Variants in FAAH2 observed in about 807,000 individuals in gnomAD.
The protein encoded by FAAH2 is fatty-acid amide hydrolase 2.
In FAAH2, 60 loss-of-function variants were observed where a neutral mutation model predicts 36.9. The ratio of observed to expected loss-of-function variants is 1.63; its 90% CI spans 1.32 to 2.02. The LOEUF (loss-of-function observed/expected upper bound fraction) is 2.02, where lower values mean the gene tolerates loss of function less well. FAAH2 is among the 30% of genes most tolerant of loss of function. The pLI is 0.00. For missense variants in FAAH2, 689 were observed against 397.5 expected (o/e 1.73, Z -6.23); for synonymous variants, 214 against 143.8 (o/e 1.49, Z -3.49).
chrX:57,203,618 C>T, the FAAH2 span, among the ~76,000 whole-genome samples: 96 of 111,793 alleles, frequency 8.6e-4, no homozygotes, highest in African/African-American at 3.1e-3. Flanking sequence ...CATATGCAGA[C>T]CACACAAAGA....
At chrX:57,440,604 G>C (rs369393340) in intron 8 of FAAH2, among the ~76,000 whole-genome samples, 75 of 111,281 alleles carry the variant, frequency 6.7e-4, no homozygotes, top group African/African-American at 1.7e-3. Flanking sequence ...TCTTTCCCTT[G>C]TCTGATTTCC....
intron 1 of FAAH2, among the ~76,000 whole-genome samples, chrX:57,291,053 TA>T (rs1261358322): frequency 8.9e-6 from 1 of 112,398 alleles, no homozygotes; most frequent in African/African-American, 3.2e-5. Context: ...GTGACATGAT[TA>T]TTTTTTGTTA....
At chrX:57,385,764 C>T (rs1351412865) in intron 7 of FAAH2, among the ~76,000 whole-genome samples, 1 of 110,961 alleles carries the variant, frequency 9.0e-6, no homozygotes, top group Admixed American at 9.6e-5. Flanking sequence ...AAAAATTAGC[C>T]GGGCGCGGTG....
chrX:57,265,643 G>C, the FAAH2 span, among the ~76,000 whole-genome samples: 1 of 111,820 alleles, frequency 8.9e-6, no homozygotes, highest in Admixed American at 9.4e-5. Flanking sequence ...CCCAACCAAG[G>C]CCTGCAGCCC....
the FAAH2 span, among the ~76,000 whole-genome samples, chrX:57,271,405 C>T: frequency 3.6e-5 from 4 of 112,218 alleles, no homozygotes; most frequent in Middle Eastern, 9.3e-3. Context: ...GCACAGTGTT[C>T]GTGCTTTGCT....
At chrX:57,292,655 A>C in intron 2 of FAAH2, 75 bp downstream of exon 2, 1 of 832,777 alleles carries the variant, frequency 1.2e-6, no homozygotes, top group Non-Finnish European at 1.7e-6. Flanking sequence ...CCACCTTAGC[A>C]TATTTCCTAG....
At chrX:57,479,930 A>G (rs767401568) in intron 10 of FAAH2, among the ~76,000 whole-genome samples, 7 of 111,822 alleles carry the variant, frequency 6.3e-5, no homozygotes, top group African/African-American at 2.3e-4. Flanking sequence ...TAAAGGAGAT[A>G]TCACCACCAA....
chrX:57,386,720 A>T (rs1046544164), intron 7 of FAAH2, among the ~76,000 whole-genome samples: 2 of 111,581 alleles, frequency 1.8e-5, no homozygotes, highest in Non-Finnish European at 3.8e-5. Flanking sequence ...CTGGCCTGAA[A>T]TTCATGTGTA....
intron 9 of FAAH2, 35 bp from the exon 10 acceptor site, chrX:57,448,486 TTTA>T (rs1377316215): frequency 8.8e-7 from 1 of 1,131,557 alleles, no homozygotes; most frequent in Non-Finnish European, 1.2e-6. Context: ...TAAAATGAAG[TTTA>T]TTACCTTAAC....
chrX:57,403,622 G>A (rs764008360), intron 7 of FAAH2, among the ~76,000 whole-genome samples: 2 of 112,883 alleles, frequency 1.8e-5, no homozygotes, highest in African/African-American at 6.4e-5. Flanking sequence ...GATTCTGTAA[G>A]TATTTTAAGG....
the FAAH2 span, among the ~76,000 whole-genome samples, chrX:57,157,549 TCCCAACA>T: frequency 3.6e-5 from 4 of 111,411 alleles, no homozygotes; most frequent in Non-Finnish European, 7.5e-5. Context: ...ACTCTTTCTC[TCCCAACA>T]CACAGATTCT....
chrX:57,267,655 C>T, the FAAH2 span, among the ~76,000 whole-genome samples: 3 of 111,947 alleles, frequency 2.7e-5, no homozygotes, highest in African/African-American at 6.5e-5. Context: ...GTGCAGTAGA[C>T]TCCAAACCTC....
intron 1 of FAAH2, among the ~76,000 whole-genome samples, chrX:57,289,368 C>T (rs1193327734): frequency 9.0e-6 from 1 of 111,132 alleles, no homozygotes; most frequent in African/African-American, 3.3e-5. Context: ...CAGGCTACCA[C>T]TATGTCTTCT....
intron 7 of FAAH2, among the ~76,000 whole-genome samples, chrX:57,382,978 A>G (rs1317517172): frequency 3.6e-5 from 4 of 111,258 alleles, no homozygotes; most frequent in African/African-American, 6.5e-5. Flanking sequence ...CTTATCCACC[A>G]TGATCAAGTG....
the FAAH2 span, among the ~76,000 whole-genome samples, chrX:57,125,215 GT>G: frequency 8.9e-6 from 1 of 112,984 alleles, no homozygotes; most frequent in African/African-American, 3.2e-5. Context: ...TTAGCACGAA[GT>G]GCTGTTGAAT....
At chrX:57,409,298 G>T (rs2055642669) in intron 7 of FAAH2, among the ~76,000 whole-genome samples, 2 of 111,040 alleles carry the variant, frequency 1.8e-5, no homozygotes, top group Admixed American at 9.6e-5. Context: ...GGTTGAATTA[G>T]GTTTTCTGGT....
the FAAH2 span, among the ~76,000 whole-genome samples, chrX:57,278,579 T>C: frequency 1.8e-5 from 2 of 110,514 alleles, no homozygotes; most frequent in Non-Finnish European, 3.8e-5. Flanking sequence ...AATTGACAAA[T>C]TGCATCTAAT....
the FAAH2 span, among the ~76,000 whole-genome samples, chrX:57,181,769 A>G: frequency 8.9e-6 from 1 of 112,212 alleles, no homozygotes; most frequent in Non-Finnish European, 1.9e-5. Context: ...CTGAATAGCC[A>G]AGGCAATCCT....
chrX:57,240,672 C>T, the FAAH2 span, among the ~76,000 whole-genome samples: 1 of 112,318 alleles, frequency 8.9e-6, no homozygotes, highest in Non-Finnish European at 1.9e-5. Flanking sequence ...TGTGCATGTG[C>T]CAGCACATCT....
Sources: allele counts gnomAD v4.1 joint callset (sites outside exome capture counted in the v4.1 genomes callset), GRCh38; gene constraint gnomAD v4.1.1; transcripts MANE v1.5; gene names NCBI Gene and HGNC (gene_info 2026-07-23, HGNC 2026-07-21).